The following DGKA variants were observed in gnomAD, a reference collection of about 807,000 sequenced individuals.
The protein encoded by DGKA is 80 kDa diacylglycerol kinase.
In DGKA, 35 loss-of-function variants were observed where a neutral mutation model predicts 105.0. That is an observed-to-expected ratio of 0.33 (90% CI 0.25 to 0.44). DGKA has a LOEUF of 0.44. Ranked by LOEUF, DGKA falls within the 20% of genes least tolerant of loss-of-function variation. DGKA has a pLI of 1.00. For synonymous variants in DGKA, 296 were observed against 332.0 expected, an observed-to-expected ratio of 0.89 and a Z score of 1.18; for missense variants, 665 against 915.0, an observed-to-expected ratio of 0.73 and a Z score of 3.53.
chr12:55,943,785 A>G (rs990882241), intron 17 of DGKA, among the ~76,000 whole-genome samples: 1 of 152,198 alleles, frequency 6.6e-6, no homozygotes, highest in African/African-American at 2.4e-5. Context: ...ATATAGACAT[A>G]TAACCAATTC....
intron 9 of DGKA, 140 bp downstream of exon 9, chr12:55,939,669 C>T: frequency 1.3e-6 from 1 of 753,380 alleles, no homozygotes; most frequent in Non-Finnish European, 2.2e-6. Context: ...GGGAAAGCCA[C>T]ATCACTTCTT....
upstream of DGKA, among the ~76,000 whole-genome samples, chr12:55,928,494 G>A (rs971923741): frequency 6.6e-6 from 1 of 151,530 alleles, no homozygotes; most frequent in Non-Finnish European, 1.5e-5. Flanking sequence ...TGGCCAAGAT[G>A]GCGAAACCCC....
chr12:55,927,450 T>A (rs1883214515), upstream of DGKA: 1 of 698,182 alleles, frequency 1.4e-6, no homozygotes, highest in Non-Finnish European at 2.6e-6. Flanking sequence ...AAGGCCCACC[T>A]GCACCCAAAA....
Position 55,952,441 on chromosome 12 carries a change from A to G in DGKA, c.1743+10A>G, listed in dbSNP as rs1211247766. On this transcript the variant is annotated intron_variant, in intron 20 of 23. Coordinates refer to ENST00000331886, the MANE Select transcript of DGKA (RefSeq NM_001345.5). The surrounding 1 kb of genome is among the most constrained non-coding windows in gnomAD (Gnocchi z 5.1). ...GTCTTTGACAGTTGAGGTGTGTGTA[A>G]TAAGACTTAACCCTACATCCTTTTC... 4 of 1,613,104 alleles carry G rather than the reference A, an allele frequency of 2.5e-6. No homozygotes were observed. The highest frequency in any genetic ancestry group is 4.5e-5 in the East Asian group (2 of 44,870).
At chr12:55,938,594 A>G in intron 6 of DGKA, 34 bp downstream of exon 6, 2 of 1,613,860 alleles carry the variant, frequency 1.2e-6, no homozygotes, top group East Asian at 4.5e-5. Flanking sequence ...GGGCAAGGGA[A>G]TATGTGTTAA....
At chr12:55,931,421 G>A (rs895885203) in intron 1 of DGKA, 77 bp downstream of exon 1, 1 of 152,294 alleles carries the variant, frequency 6.6e-6, no homozygotes. Context: ...GAATTAAGGA[G>A]AGAACATGAG....
In DGKA at chr12:55,937,006, C is replaced by G; in HGVS notation, c.65-11C>G. Reference sequence around the variant, plus strand: ...TAATAATGCTGTTCTCTTACTCTCTCTACACCCTAGACTCCACCAAAAAGG... The same window carrying G: ...TAATAATGCTGTTCTCTTACTCTCTGTACACCCTAGACTCCACCAAAAAGG... On this transcript the variant is annotated splice_polypyrimidine_tract_variant and intron_variant, in intron 2 of 23. Coordinates refer to ENST00000331886, the MANE Select transcript of DGKA (RefSeq NM_001345.5). 1 of 1,613,502 alleles carries G rather than the reference C, an allele frequency of 6.2e-7. No individual in the cohort carries two copies. Among genetic ancestry groups the G allele is most frequent in the African/African-American group, 1.3e-5 (1 of 75,034 alleles).
chr12:55,950,014 G>T (rs1887829999), intron 17 of DGKA, among the ~76,000 whole-genome samples: 1 of 150,068 alleles, frequency 6.7e-6, no homozygotes, highest in African/African-American at 2.5e-5. Flanking sequence ...CACTCTTGTT[G>T]CCCAGGCTGG....
In DGKA at chr12:55,952,459, T is replaced by A; in HGVS notation, c.1743+28T>A. 1 of 1,604,840 alleles carries A rather than the reference T, an allele frequency of 6.2e-7. No homozygotes were observed. ...GTGTGTAATAAGACTTAACCCTACA[T>A]CCTTTTCAGCTTCTTAATAGCCAAG... On this transcript the variant is annotated intron_variant, in intron 20 of 23. Transcript: ENST00000331886. This position sits in a 1 kb window ranked among gnomAD's most constrained non-coding sequence, Gnocchi z 5.1.
chr12:55,940,679 G>C lies in DGKA; in HGVS notation c.974G>C (p.Arg325Pro), dbSNP rs751345629. Residue 325 changes from arginine (R) to proline (P), a missense_variant, in exon 12 of 24, where the codon CGG becomes CCG. Physicochemically the swap from Arg to Pro is moderately radical, Grantham distance 103. This residue lies in a region of DGKA where 504 missense variants were observed against 681.2 expected (regional missense o/e 0.74). Coordinates refer to ENST00000331886, the MANE Select transcript of DGKA (RefSeq NM_001345.5). This position sits in a 1 kb window ranked among gnomAD's most constrained non-coding sequence, Gnocchi z 4.3. Reference sequence around the variant, plus strand: ...CATGAGTGTGACTGTGGGCTGCTCCGGGATCACATCCTGCCTCCATCTTCC... The same window carrying C: ...CATGAGTGTGACTGTGGGCTGCTCCCGGATCACATCCTGCCTCCATCTTCC... ...VGHECDCGLL[R>P]DHILPPSSIY... is the part of the protein sequence containing the mutation. 1 of 1,604,824 alleles carries C rather than the reference G, an allele frequency of 6.2e-7. No homozygotes were observed. Among genetic ancestry groups the C allele is most frequent in the South Asian group, 1.1e-5 (1 of 89,910 alleles).
At chr12:55,948,580 TA>T (rs1270573747) in intron 17 of DGKA, among the ~76,000 whole-genome samples, 1 of 150,640 alleles carries the variant, frequency 6.6e-6, no homozygotes, top group African/African-American at 2.5e-5. Flanking sequence ...ATAAAATAAT[TA>T]ACCAGGCATG....
chr12:55,950,551 C>T (rs892538848), intron 17 of DGKA, among the ~76,000 whole-genome samples: 6 of 152,060 alleles, frequency 3.9e-5, no homozygotes, highest in African/African-American at 1.4e-4. Flanking sequence ...CGTGATCCGC[C>T]CGCCTCGGCC....
rs1206246953 is a variant in DGKA, at chr12:55,940,746, G to A, written c.1017+24G>A. ...TGGTGAGACCCTCGGCAGCAGCGGG[G>A]AGGGGACAGGAGTGCCTCCCCGATT... On this transcript the variant is annotated intron_variant, in intron 12 of 23. Transcript: ENST00000331886. The surrounding 1 kb of genome is among the most constrained non-coding windows in gnomAD (Gnocchi z 4.3). 4 of 1,611,578 alleles carry A rather than the reference G, an allele frequency of 2.5e-6. No individual in the cohort carries two copies. The highest frequency in any genetic ancestry group is 8.5e-7 in the Non-Finnish European group (1 of 1,178,676).
Position 55,952,853 on chromosome 12 carries a change from T to C in DGKA, c.1863T>C (p.Asp621=). The change falls in exon 21 of 24, where the codon GAT becomes GAC. Residue 621 remains aspartate, a synonymous_variant. Coordinates refer to ENST00000331886, the MANE Select transcript of DGKA (RefSeq NM_001345.5). The surrounding 1 kb of genome is among the most constrained non-coding windows in gnomAD (Gnocchi z 5.1). ...LWGDTRRPHG[D]IYGINQALGA... Reference sequence around the variant, plus strand: ...GTGATACCAGGAGACCCCATGGGGATATCTATGGGATCAACCAGGCCTTAG... The same window carrying C: ...GTGATACCAGGAGACCCCATGGGGACATCTATGGGATCAACCAGGCCTTAG... The C allele has an allele frequency of 6.2e-7, 1 of 1,614,138 alleles. No homozygotes were observed. The highest frequency in any genetic ancestry group is 8.5e-7 in the Non-Finnish European group (1 of 1,180,020).
At chr12:55,939,697 A>C in intron 9 of DGKA, 168 bp downstream of exon 9, 3 of 666,532 alleles carry the variant, frequency 4.5e-6, no homozygotes, top group Non-Finnish European at 7.7e-6. Context: ...TAGTTTCCTC[A>C]ACTGAAAATG....
rs774086426 is a variant in DGKA, at chr12:55,952,054, G to A, written c.1607G>A (p.Arg536Gln). ...CTCCAGGATGCCTCTATTGCTCATC[G>A]ATTCCACATCATGCGAGAGAAATAT... ...SIGVDASIAH[R>Q]FHIMREKYPE... The change falls in exon 19 of 24, where the codon CGA (arginine) becomes CAA (glutamine). Residue 536 changes from arginine (R) to glutamine (Q), a missense_variant. Arg to Gln is a conservative substitution (Grantham distance 43, BLOSUM62 1). Around this residue, in one of 3 missense-constraint regions of DGKA, gnomAD observed 504 missense variants for 681.2 expected, o/e 0.74. Transcript: ENST00000331886. This position sits in a 1 kb window ranked among gnomAD's most constrained non-coding sequence, Gnocchi z 5.1. The A allele has an allele frequency of 8.0e-5, 129 of 1,613,952 alleles. No individual in the cohort carries two copies. The highest frequency in any genetic ancestry group is 9.6e-5 in the Non-Finnish European group (113 of 1,180,036).
intron 17 of DGKA, among the ~76,000 whole-genome samples, chr12:55,946,303 T>C (rs1051895437): frequency 6.6e-6 from 1 of 152,190 alleles, no homozygotes; most frequent in Non-Finnish European, 1.5e-5. Context: ...CCCTAGTAGC[T>C]GGGATTACAG....
In DGKA at chr12:55,941,891, G is replaced by A; in HGVS notation, c.1251-107G>A. 4 of 1,186,140 alleles carry A rather than the reference G, an allele frequency of 3.4e-6. No individual in the cohort carries two copies. The East Asian group carries it at 9.4e-5, about 28-fold the overall frequency. 73.5% of individuals were successfully genotyped at this position (1,186,140 alleles called of 1,614,324 possible). On this transcript the variant is annotated intron_variant, in intron 15 of 23. Coordinates refer to ENST00000331886, the MANE Select transcript of DGKA (RefSeq NM_001345.5). ...GAAACTCAAGTCTTTTGACAAAAAG[G>A]AGGAGGGTCCTACGGAATGAGAGAC...
rs537759449 is a variant in DGKA at position 55,941,382 on chromosome 12, T to C, written c.1175+57T>C. On this transcript the variant is annotated intron_variant, in intron 14 of 23. Transcript: ENST00000331886. The stretch of plus-strand genomic sequence containing the variant: ...GAGAGGCAGGGCCTGCCTGCAACAC[T>C]TAGAAGGTGGAAGGGGATGTGTGTG... 4 of 1,595,372 alleles carry C rather than the reference T, an allele frequency of 2.5e-6. No individual in the cohort carries two copies. The East Asian group carries it at 9.0e-5, about 36-fold the overall frequency.
Sources: gnomAD v4.1 joint callset for allele counts (sites outside exome capture counted in the v4.1 genomes callset) on GRCh38, gnomAD v4.1.1 for gene constraint, gnomAD v4.1.1 regional missense constraint, Gnocchi (gnomAD v3.1) non-coding constraint, MANE v1.5 for transcripts, NCBI Gene and HGNC (gene_info 2026-07-23, HGNC 2026-07-21) for gene names.